GLI3: variants seen among roughly 807,000 people sequenced by gnomAD.
The protein encoded by GLI3 is transcription activator GLI3.
A neutral mutation model predicts 100.8 loss-of-function variants in GLI3; 20 were observed. The ratio of observed to expected loss-of-function variants is 0.20; its 90% CI spans 0.14 to 0.29. GLI3 has a LOEUF of 0.29. Ranked by LOEUF, GLI3 falls within the 10% of genes least tolerant of loss-of-function variation. The pLI, the probability that GLI3 is intolerant of heterozygous loss-of-function variation, is 1.00. For synonymous variants in GLI3, 938 were observed against 860.5 expected (o/e 1.09, Z -1.58); for missense variants, 2,040 against 2,128.5 (o/e 0.96, Z 0.82).
intron 2 of GLI3, among the ~76,000 whole-genome samples, chr7:42,188,703 G>A (rs1449846881): frequency 2.6e-5 from 4 of 152,124 alleles, no homozygotes; most frequent in Non-Finnish European, 5.9e-5. Flanking sequence ...AAGACATGGA[G>A]GAAACTTATA....
chr7:42,230,356 G>T (rs186826963), intron 1 of GLI3, among the ~76,000 whole-genome samples: 10 of 152,242 alleles, frequency 6.6e-5, no homozygotes, highest in Admixed American at 2.0e-4. Flanking sequence ...CCTAATCACA[G>T]ATAAGCAGTA....
At chr7:42,250,024 G>T (rs545478789) in intron 1 of GLI3, among the ~76,000 whole-genome samples, 1 of 152,152 alleles carries the variant, frequency 6.6e-6, no homozygotes, top group East Asian at 1.9e-4. Context: ...GAATCCAGGA[G>T]GTCAAGGCTG....
chr7:42,006,046 T>C (rs1346600297), intron 10 of GLI3, among the ~76,000 whole-genome samples: 1 of 152,236 alleles, frequency 6.6e-6, no homozygotes, highest in African/African-American at 2.4e-5. Flanking sequence ...CACTTATCCC[T>C]AATTTGAATA....
intron 1 of GLI3, among the ~76,000 whole-genome samples, chr7:42,224,814 C>T (rs908313493): frequency 7.9e-5 from 12 of 152,340 alleles, no homozygotes; most frequent in Admixed American, 6.5e-4. Context: ...CTGGCCAGTG[C>T]ACAACCGCCA....
At chr7:42,004,830 A>T (rs1239073255) in intron 10 of GLI3, among the ~76,000 whole-genome samples, 1 of 152,178 alleles carries the variant, frequency 6.6e-6, no homozygotes, top group East Asian at 1.9e-4. Flanking sequence ...CTTTAGTAAC[A>T]TTCCAGGCAA....
chr7:42,176,065 CACAG>C (rs1269698813), intron 2 of GLI3, among the ~76,000 whole-genome samples: 5 of 152,188 alleles, frequency 3.3e-5, no homozygotes, highest in South Asian at 4.2e-4. Context: ...AGCTCCAAGT[CACAG>C]ACAGAATGAT....
intron 3 of GLI3, among the ~76,000 whole-genome samples, chr7:42,104,843 A>G (rs1785541043): frequency 6.6e-6 from 1 of 152,204 alleles, no homozygotes; most frequent in African/African-American, 2.4e-5. Context: ...AGTGAGAAGA[A>G]GGCCATCTAT....
chr7:42,081,172 G>T (rs181970403), intron 3 of GLI3, among the ~76,000 whole-genome samples: 2 of 152,116 alleles, frequency 1.3e-5, no homozygotes, highest in Non-Finnish European at 2.9e-5. Flanking sequence ...GCAAACTAAC[G>T]GGCTAAATGG....
chr7:42,119,180 G>A (rs191548971), intron 3 of GLI3, among the ~76,000 whole-genome samples: 158 of 152,294 alleles, frequency 1.0e-3, no homozygotes, highest in African/African-American at 3.5e-3. Context: ...ACTTCTATTA[G>A]AAAAAGGGAT....
chr7:42,156,856 C>A (rs983807326), intron 2 of GLI3, among the ~76,000 whole-genome samples: 1 of 152,232 alleles, frequency 6.6e-6, no homozygotes, highest in Admixed American at 6.5e-5. Context: ...ATTTCCTAAC[C>A]TTTCTAACAT....
intron 1 of GLI3, among the ~76,000 whole-genome samples, chr7:42,255,949 T>C (rs1412956926): frequency 6.6e-6 from 1 of 152,178 alleles, no homozygotes; most frequent in African/African-American, 2.4e-5. Flanking sequence ...CGGTTCCAGT[T>C]TTTCCATATT....
intron 3 of GLI3, among the ~76,000 whole-genome samples, chr7:42,114,654 T>C (rs56334623): frequency 0.11 from 16,080 of 152,184 alleles, 921 homozygotes; most frequent in African/African-American, 0.16. Context: ...AGAAATCTAG[T>C]GGTGTAGGTA....
intron 1 of GLI3, among the ~76,000 whole-genome samples, chr7:42,231,427 GT>G (rs1426064156): frequency 1.3e-5 from 2 of 152,184 alleles, no homozygotes; most frequent in Admixed American, 6.5e-5. Context: ...AACTTTGCTT[GT>G]TCACAGACAG....
At chr7:42,198,743 C>T (rs1787978820) in intron 2 of GLI3, among the ~76,000 whole-genome samples, 1 of 151,900 alleles carries the variant, frequency 6.6e-6, no homozygotes, top group Non-Finnish European at 1.5e-5. Flanking sequence ...TTTGATACCT[C>T]CTTGAGATGC....
At chr7:41,997,685 G>A (rs1788165763) in intron 10 of GLI3, among the ~76,000 whole-genome samples, 1 of 152,190 alleles carries the variant, frequency 6.6e-6, no homozygotes, top group Non-Finnish European at 1.5e-5. Flanking sequence ...TATTTTGCGT[G>A]AGCATGGCTT....
Position 42,177,785 on chromosome 7 carries a change from G to A in GLI3, c.125-29317C>T, listed in dbSNP as rs1055116048. On this transcript the variant is annotated intron_variant, in intron 2 of 14. Transcript: ENST00000395925. ...GATGCAAACAACAGTGTGCTCCTCT[G>A]CAAGAGTGCACCCTGTCTCCTCGAC... 2.0e-5 allele frequency among the ~76,000 whole-genome samples: 3 copies of A among 152,222 alleles called. No homozygotes were observed. In the East Asian group the frequency reaches 5.8e-4, roughly 29 times the overall value.
chr7:41,964,249 A>C lies in GLI3; in HGVS notation c.*81T>G. ...GATTGCTAAAATACATACAGAACTAAAAAAACAGCCAAAACAAAGTCAGTT... is the reference window on the plus strand; with the variant it reads ...GATTGCTAAAATACATACAGAACTACAAAAACAGCCAAAACAAAGTCAGTT... On this transcript the variant is annotated 3_prime_UTR_variant, in exon 15 of 15. Transcript: ENST00000395925. The C allele has an allele frequency of 7.8e-7, 1 of 1,284,332 alleles. No homozygotes were observed. Among genetic ancestry groups the C allele is most frequent in the Non-Finnish European group, 1.1e-6 (1 of 889,470 alleles). 79.6% of individuals were successfully genotyped at this position (1,284,332 alleles called of 1,614,324 possible). A position where few individuals can be genotyped will look rare whatever the true frequency, so the allele number is the denominator to read the frequency against.
chr7:42,096,185 A>G (rs1468291133), intron 3 of GLI3, among the ~76,000 whole-genome samples: 1 of 152,162 alleles, frequency 6.6e-6, no homozygotes, highest in Non-Finnish European at 1.5e-5. Flanking sequence ...CAAGGCCAGA[A>G]GTGCTGTGTG....
intron 1 of GLI3, among the ~76,000 whole-genome samples, chr7:42,234,362 A>G (rs1231736845): frequency 6.6e-6 from 1 of 152,208 alleles, no homozygotes; most frequent in African/African-American, 2.4e-5. Flanking sequence ...AGCACAGAGG[A>G]AGTCTGAAAT....
Sources: gnomAD v4.1 joint callset for allele counts (sites outside exome capture counted in the v4.1 genomes callset) on GRCh38, gnomAD v4.1.1 for gene constraint, MANE v1.5 for transcripts, NCBI Gene and HGNC (gene_info 2026-07-23, HGNC 2026-07-21) for gene names.